ARHGAP15: variants seen among roughly 807,000 people sequenced by gnomAD.
The protein encoded by ARHGAP15 is Rho GTPase activating protein 15, also known as rho GTPase-activating protein 15.
In ARHGAP15, 51 loss-of-function variants were observed where a neutral mutation model predicts 63.7. The ratio of observed to expected loss-of-function variants is 0.80; its 90% confidence interval spans 0.64 to 1.01. The LOEUF (loss-of-function observed/expected upper bound fraction) is 1.01, where lower values mean the gene tolerates loss of function less well. Among genes scored for constraint, ARHGAP15 ranks in the 50% least tolerant of loss-of-function variants. ARHGAP15 has a pLI of 0.00. For missense variants in ARHGAP15, 560 were observed against 564.6 expected (o/e 0.99, Z 0.08); for synonymous variants, 191 against 193.8 (o/e 0.99, Z 0.12).
At chr2:143,598,252 A>G (rs1697604676) in intron 11 of ARHGAP15, among the ~76,000 whole-genome samples, 1 of 152,196 alleles carries the variant, frequency 6.6e-6, no homozygotes, top group Admixed American at 6.5e-5. Context: ...ACTCCATGAA[A>G]CAAGGAAGTC....
intron 12 of ARHGAP15, among the ~76,000 whole-genome samples, chr2:143,637,010 CAAG>C (rs1195350465): frequency 1.3e-5 from 2 of 152,194 alleles, no homozygotes; most frequent in South Asian, 2.1e-4. Context: ...TCCTCAAATA[CAAG>C]AAGGAGTGGG....
At chr2:143,765,148 G>GTGTGTGTGTGT (rs1559166659) in intron 13 of ARHGAP15, among the ~76,000 whole-genome samples, 2 of 127,572 alleles carry the variant, frequency 1.6e-5, no homozygotes, top group East Asian at 4.6e-4. Flanking sequence ...TGTGTGTGTG[G>GTGTGTGTGTGT]TAAAATTAAT....
chr2:143,191,016 G>A (rs1474760603), intron 2 of ARHGAP15, among the ~76,000 whole-genome samples: 5 of 152,078 alleles, frequency 3.3e-5, no homozygotes, highest in Admixed American at 2.6e-4. Context: ...TGATCCGCCC[G>A]CCTGGGCCTC....
intron 6 of ARHGAP15, among the ~76,000 whole-genome samples, chr2:143,289,552 G>A (rs1481797409): frequency 6.6e-6 from 1 of 152,154 alleles, no homozygotes; most frequent in East Asian, 1.9e-4. Context: ...TTACAGGGTG[G>A]AAAACCCTGG....
intron 3 of ARHGAP15, among the ~76,000 whole-genome samples, chr2:143,213,289 G>A (rs905073224): frequency 6.6e-6 from 1 of 152,120 alleles, no homozygotes; most frequent in Admixed American, 6.5e-5. Context: ...CGAGGTGGGT[G>A]GATCACCTGA....
intron 8 of ARHGAP15, among the ~76,000 whole-genome samples, chr2:143,470,885 C>A (rs537398982): frequency 6.8e-6 from 1 of 146,918 alleles, no homozygotes; most frequent in African/African-American, 2.5e-5. Flanking sequence ...TATATATACA[C>A]GTATATTTAT....
intron 3 of ARHGAP15, among the ~76,000 whole-genome samples, chr2:143,212,244 G>A (rs1174707101): frequency 1.3e-5 from 2 of 152,080 alleles, no homozygotes; most frequent in East Asian, 1.9e-4. Flanking sequence ...CTTGTCTGTC[G>A]CCTCCAACGT....
At chr2:143,619,346 T>C (rs1698570156) in intron 11 of ARHGAP15, among the ~76,000 whole-genome samples, 1 of 152,172 alleles carries the variant, frequency 6.6e-6, no homozygotes. Flanking sequence ...GTAACCTTGT[T>C]TGGGTACAAC....
rs141157012 is a variant in ARHGAP15, at chr2:143,309,692, T to C, written c.474+59092T>C. Among the ~76,000 whole-genome samples, 1,435 of 152,090 alleles carry C rather than the reference T, an allele frequency of 9.4e-3. 21 individuals carry two copies. The highest frequency in any genetic ancestry group is 0.033 in the African/African-American group (1,369 of 41,528). ...TCAGGGTTTCTCAACCTAGGCACGC[T>C]TAATATTTTGTATCAGATAACTCTT... On this transcript the variant is annotated intron_variant, in intron 6 of 13. Transcript: ENST00000295095.
intron 13 of ARHGAP15, among the ~76,000 whole-genome samples, chr2:143,737,369 A>T (rs560936626): frequency 6.6e-6 from 1 of 152,264 alleles, no homozygotes; most frequent in Admixed American, 6.5e-5. Context: ...CTTTATTACT[A>T]GAATTGTAAA....
chr2:143,768,025 G>T lies in ARHGAP15; in HGVS notation c.1281G>T (p.Thr427=). 1 of 1,613,336 alleles carries T rather than the reference G, an allele frequency of 6.2e-7. No individual in the cohort carries two copies. Among genetic ancestry groups the T allele is most frequent in the Non-Finnish European group, 8.5e-7 (1 of 1,179,658 alleles). The change falls in exon 14 of 14, where the codon ACG becomes ACT. Residue 427 remains threonine, a synonymous_variant. Transcript: ENST00000295095. ...AAGCCTCCAAGAACCTCATGTCCAC[G>T]CAAAGCTTGGGGATTGTATTTGGAC... ...VAKASKNLMS[T]QSLGIVFGPT...
intron 2 of ARHGAP15, among the ~76,000 whole-genome samples, chr2:143,158,159 A>G (rs1462323825): frequency 6.6e-6 from 1 of 151,952 alleles, no homozygotes; most frequent in Non-Finnish European, 1.5e-5. Context: ...CATTACAAAA[A>G]TGATAAAATA....
chr2:143,646,880 AAAAAG>A (rs1278964884), intron 12 of ARHGAP15, among the ~76,000 whole-genome samples: 2 of 152,010 alleles, frequency 1.3e-5, no homozygotes, highest in African/African-American at 2.4e-5. Flanking sequence ...TAATTTTGAC[AAAAAG>A]AAAAGAAAAC....
intron 9 of ARHGAP15, among the ~76,000 whole-genome samples, chr2:143,506,459 TA>T (rs34180707): frequency 7.2e-6 from 1 of 138,748 alleles, no homozygotes; most frequent in Non-Finnish European, 1.6e-5. Context: ...AACTTCAGAT[TA>T]ATAGTAAGTT....
At position 143,416,865 on chromosome 2, in the gene ARHGAP15, A is replaced by T. The variant is rs1456601953; in HGVS notation, c.475-18736A>T. Among the ~76,000 whole-genome samples, 450 of 55,718 alleles carry T rather than the reference A, an allele frequency of 8.1e-3. 1 individual carries two copies. Among genetic ancestry groups the T allele is most frequent in the African/African-American group, 0.037 (432 of 11,812 alleles). The allele number at this position is 55,718 out of a possible 152,430, so 36.6% of individuals were successfully genotyped here. On this transcript the variant is annotated intron_variant, in intron 6 of 13. Coordinates refer to ENST00000295095, the MANE Select transcript of ARHGAP15 (RefSeq NM_018460.4). ...CCCACGCCCCCACGCCCCCAACACC[A>T]CTCCACCAGAAGCTTAGGATCAGGC...
intron 6 of ARHGAP15, among the ~76,000 whole-genome samples, chr2:143,416,134 TA>T (rs34883043): frequency 0.018 from 2,498 of 140,754 alleles, 50 homozygotes; most frequent in African/African-American, 0.049. Context: ...AAATAATAAT[TA>T]AAAAAAAAAA....
chr2:143,300,115 C>T (rs1417338666), intron 6 of ARHGAP15, among the ~76,000 whole-genome samples: 1 of 151,848 alleles, frequency 6.6e-6, no homozygotes, highest in Non-Finnish European at 1.5e-5. Flanking sequence ...AAAACCTATT[C>T]AAAGGGGCAT....
intron 8 of ARHGAP15, among the ~76,000 whole-genome samples, chr2:143,451,770 G>A (rs1228164445): frequency 4.6e-5 from 7 of 151,814 alleles, no homozygotes; most frequent in Admixed American, 1.3e-4. Context: ...GTGCTTATCC[G>A]GAAATGACTA....
At chr2:143,152,295 A>G (rs1689858097) in intron 1 of ARHGAP15, among the ~76,000 whole-genome samples, 1 of 151,958 alleles carries the variant, frequency 6.6e-6, no homozygotes, top group Non-Finnish European at 1.5e-5. Context: ...TACCTACCTT[A>G]TAATATCCCA....
Sources: gnomAD v4.1 joint callset for allele counts (sites outside exome capture counted in the v4.1 genomes callset) on GRCh38, gnomAD v4.1.1 for gene constraint, MANE v1.5 for transcripts, NCBI Gene and HGNC (gene_info 2026-07-23, HGNC 2026-07-21) for gene names.